Variants in EBF1 observed in about 807,000 individuals in gnomAD.
The protein encoded by EBF1 is EBF transcription factor 1.
In EBF1, 10 loss-of-function variants were observed where a neutral mutation model predicts 68.4. The observed-to-expected ratio is 0.15, with a 90% CI of 0.09 to 0.25. EBF1 has a LOEUF of 0.25. Among genes scored for constraint, EBF1 ranks in the 10% least tolerant of loss-of-function variants. The pLI is 1.00. For synonymous variants in EBF1, 298 were observed against 299.8 expected (o/e 0.99, Z 0.06); for missense variants, 509 against 794.4 (o/e 0.64, Z 4.32).
In EBF1 at chr5:158,727,916, A is replaced by G. The variant is rs142734795; in HGVS notation, c.1125+3153T>C. 1.6e-4 allele frequency among the ~76,000 whole-genome samples: 25 copies of G among 152,282 alleles called. No homozygotes were observed. The South Asian group carries it at 4.8e-3, about 29-fold the overall frequency. On this transcript the variant is annotated intron_variant, in intron 11 of 15. Coordinates refer to ENST00000313708, the MANE Select transcript of EBF1 (RefSeq NM_024007.5). ...CTTTGGAGCAGTTTCATTTGACAGA[A>G]TGTGTGGGTGGTTGTATGAATCTAG...
intron 4 of EBF1, among the ~76,000 whole-genome samples, chr5:159,087,253 A>AATAT (rs199776226): frequency 1.4e-5 from 2 of 144,670 alleles, no homozygotes; most frequent in Non-Finnish European, 3.0e-5. Context: ...GGCTTTCCCT[A>AATAT]ATATATATAT....
At chr5:158,738,165 T>C (rs1291332713) in intron 10 of EBF1, among the ~76,000 whole-genome samples, 1 of 152,206 alleles carries the variant, frequency 6.6e-6, no homozygotes, top group African/African-American at 2.4e-5. Context: ...ATATACAGGC[T>C]TATACCTATC....
At chr5:158,945,670 G>A (rs1814501069) in intron 6 of EBF1, among the ~76,000 whole-genome samples, 1 of 152,178 alleles carries the variant, frequency 6.6e-6, no homozygotes, top group South Asian at 2.1e-4. Context: ...TCTTCTCAAG[G>A]AGTATCTTTG....
chr5:159,076,872 G>A (rs1211921666), intron 5 of EBF1, among the ~76,000 whole-genome samples: 6 of 152,136 alleles, frequency 3.9e-5, no homozygotes, highest in Non-Finnish European at 5.9e-5. Flanking sequence ...GGATGTGTGT[G>A]TACACATACA....
At chr5:158,922,004 A>G (rs1373595906) in intron 6 of EBF1, among the ~76,000 whole-genome samples, 1 of 152,220 alleles carries the variant, frequency 6.6e-6, no homozygotes, top group Non-Finnish European at 1.5e-5. Context: ...AGAGACAGAC[A>G]GCGAAAACTC....
Position 158,951,573 on chromosome 5 carries a change from C to T in EBF1, c.555-111463G>A, listed in dbSNP as rs1816006593. On this transcript the variant is annotated intron_variant, in intron 6 of 15. Coordinates refer to ENST00000313708, the MANE Select transcript of EBF1 (RefSeq NM_024007.5). ...CCCGCCAATGTGCATTCATAAATGC[C>T]ATTAATAGTAATGGCAGTCAAATGC... is the stretch of plus-strand genomic sequence containing the variant. Among the ~76,000 whole-genome samples the T allele has an allele frequency of 2.0e-5, 3 of 152,118 alleles. No individual in the cohort carries two copies. In the South Asian group the frequency reaches 6.2e-4, roughly 32 times the overall value.
intron 15 of EBF1, among the ~76,000 whole-genome samples, chr5:158,703,513 C>T (rs1163145036): frequency 2.0e-5 from 3 of 150,566 alleles, no homozygotes; most frequent in African/African-American, 7.4e-5. Context: ...CAGGGAGCAC[C>T]ACATTCTAAA....
chr5:158,737,715 T>G (rs1765516580), intron 10 of EBF1, among the ~76,000 whole-genome samples: 1 of 152,048 alleles, frequency 6.6e-6, no homozygotes, highest in South Asian at 2.1e-4. Flanking sequence ...CCTTGAGTGG[T>G]TACGTCCTTT....
chr5:158,945,796 T>C (rs1169635016), intron 6 of EBF1, among the ~76,000 whole-genome samples: 1 of 152,192 alleles, frequency 6.6e-6, no homozygotes. Context: ...GGTTCCATTC[T>C]CCCCATCACT....
chr5:158,932,859 G>A (rs1583273971), intron 6 of EBF1, among the ~76,000 whole-genome samples: 1 of 152,184 alleles, frequency 6.6e-6, no homozygotes, highest in African/African-American at 2.4e-5. Flanking sequence ...AAAGTTGCCT[G>A]TAGATTCACA....
At chr5:158,984,405 A>G (rs1370817817) in intron 6 of EBF1, among the ~76,000 whole-genome samples, 1 of 152,174 alleles carries the variant, frequency 6.6e-6, no homozygotes, top group Non-Finnish European at 1.5e-5. Flanking sequence ...TGCTTATTAT[A>G]TAAGCACTAC....
chr5:158,965,344 A>G (rs1004978326), intron 6 of EBF1, among the ~76,000 whole-genome samples: 1 of 144,744 alleles, frequency 6.9e-6, no homozygotes, highest in African/African-American at 2.6e-5. Flanking sequence ...GTTTAAAGAA[A>G]GGTTATTTGG....
chr5:158,740,280 A>G (rs1447160913), intron 10 of EBF1, among the ~76,000 whole-genome samples: 1 of 152,134 alleles, frequency 6.6e-6, no homozygotes, highest in East Asian at 1.9e-4. Flanking sequence ...TCCTTCCCTG[A>G]GCCTTGTGCT....
intron 6 of EBF1, among the ~76,000 whole-genome samples, chr5:158,902,813 C>T (rs1357710635): frequency 1.3e-5 from 2 of 151,926 alleles, no homozygotes; most frequent in Non-Finnish European, 2.9e-5. Context: ...GGACACAAAG[C>T]TGTGGATAGA....
At chr5:158,787,160 C>G (rs1777619770) in intron 9 of EBF1, among the ~76,000 whole-genome samples, 1 of 152,210 alleles carries the variant, frequency 6.6e-6, no homozygotes. Flanking sequence ...GAAAGTCTTT[C>G]AAGGTTGCCT....
At chr5:158,936,650 G>A (rs897471199) in intron 6 of EBF1, among the ~76,000 whole-genome samples, 40 of 152,282 alleles carry the variant, frequency 2.6e-4, no homozygotes, top group African/African-American at 8.7e-4. Flanking sequence ...CTATTTCATA[G>A]TCATGCAGTT....
rs147700960 is a variant in EBF1, at chr5:159,028,663, G to A, written c.554+44733C>T. On this transcript the variant is annotated intron_variant, in intron 6 of 15. Transcript: ENST00000313708. ...AGCTGTATCCCCTGCACCAAGCACA[G>A]TGCTAGCACGGAGCATGGATTCAAC... is the stretch of plus-strand genomic sequence containing the variant. Among the ~76,000 whole-genome samples the A allele has an allele frequency of 1.5e-3, 224 of 152,302 alleles. 1 individual carries two copies. The highest frequency in any genetic ancestry group is 5.2e-3 in the African/African-American group (216 of 41,564).
chr5:158,915,578 G>A (rs1472789232), intron 6 of EBF1, among the ~76,000 whole-genome samples: 1 of 152,114 alleles, frequency 6.6e-6, no homozygotes, highest in Non-Finnish European at 1.5e-5. Context: ...AATCGGGGTG[G>A]GGGGAATTCC....
At chr5:158,853,969 T>C (rs1289442157) in intron 6 of EBF1, among the ~76,000 whole-genome samples, 1 of 152,096 alleles carries the variant, frequency 6.6e-6, no homozygotes, top group African/African-American at 2.4e-5. Context: ...AGAGTCAACG[T>C]CTTGTCTTCA....
Sources: gnomAD v4.1 joint callset for allele counts (sites outside exome capture counted in the v4.1 genomes callset) on GRCh38, gnomAD v4.1.1 for gene constraint, MANE v1.5 for transcripts, NCBI Gene and HGNC (gene_info 2026-07-23, HGNC 2026-07-21) for gene names.